The following SHISAL2A variants were observed in gnomAD, a reference collection of about 807,000 sequenced individuals.
The protein encoded by SHISAL2A is protein shisa-like-2A.
Under a neutral mutation model 11.5 loss-of-function variants are expected in SHISAL2A, and 18 were observed. That is an observed-to-expected ratio of 1.57 (90% CI 1.08 to 2.33). The LOEUF is 2.33. Among genes scored for constraint, SHISAL2A ranks in the 30% most tolerant of loss-of-function variants. The pLI, the probability that SHISAL2A is intolerant of heterozygous loss-of-function variation, is 0.00. For synonymous variants in SHISAL2A, 94 were observed against 99.6 expected, an observed-to-expected ratio of 0.94 and a Z score of 0.34; for missense variants, 261 against 250.9, an observed-to-expected ratio of 1.04 and a Z score of -0.27.
chr1:52,662,329 A>G (rs1047877410), intron 4 of SHISAL2A, among the ~76,000 whole-genome samples: 1 of 151,434 alleles, frequency 6.6e-6, no homozygotes, highest in Non-Finnish European at 1.5e-5. Flanking sequence ...TCAACTTTCT[A>G]TTTTATTTTA....
In SHISAL2A at chr1:52,633,224, G is replaced by A. The variant is rs1691165013; in HGVS notation, c.-270G>A. On this transcript the variant is annotated 5_prime_UTR_variant, in exon 1 of 3. Coordinates refer to ENST00000517870, the MANE Select transcript of SHISAL2A (RefSeq NM_001042693.3). This position sits in a 1 kb window ranked among gnomAD's most constrained non-coding sequence, Gnocchi z 6.4. Reference sequence around the variant, plus strand: ...GCTCCCCGCGTCCGCTCCGGCTCCTGCCGCGTTCCAGCAGCCGTCACTCCC... The same window carrying A: ...GCTCCCCGCGTCCGCTCCGGCTCCTACCGCGTTCCAGCAGCCGTCACTCCC... The A allele has an allele frequency of 3.4e-6, 1 of 290,696 alleles. No homozygotes were observed. The highest frequency in any genetic ancestry group is 6.1e-5 in the East Asian group (1 of 16,388). 18.0% of individuals were successfully genotyped at this position (290,696 alleles called of 1,614,324 possible).
intron 2 of SHISAL2A, among the ~76,000 whole-genome samples, chr1:52,652,959 C>CTT (rs1428482012): frequency 1.4e-5 from 1 of 70,946 alleles, no homozygotes; most frequent in Middle Eastern, 0.014. Context: ...GAGTGAGACT[C>CTT]TGTCTCAAAA....
intron 1 of SHISAL2A, among the ~76,000 whole-genome samples, chr1:52,641,983 G>T (rs1691376364): frequency 6.6e-6 from 1 of 151,688 alleles, no homozygotes. Context: ...ACATGCCTGT[G>T]GTCCCAGCCA....
At chr1:52,665,760 A>G (rs1691999548) in intron 4 of SHISAL2A, among the ~76,000 whole-genome samples, 1 of 149,924 alleles carries the variant, frequency 6.7e-6, no homozygotes, top group African/African-American at 2.5e-5. Flanking sequence ...CCTGTACCCC[A>G]GATCACATGG....
In SHISAL2A at chr1:52,633,455, T is replaced by C. The variant is rs1413158696; in HGVS notation, c.-39T>C. 2.1e-6 allele frequency: 3 copies of C among 1,437,780 alleles called. No homozygotes were observed. The highest frequency in any genetic ancestry group is 3.1e-5 in the Admixed American group (1 of 31,854). The allele number at this position is 1,437,780 out of a possible 1,614,324, so 89.1% of individuals were successfully genotyped here. On this transcript the variant is annotated 5_prime_UTR_variant, in exon 1 of 3. Coordinates refer to ENST00000517870, the MANE Select transcript of SHISAL2A (RefSeq NM_001042693.3). This position sits in a 1 kb window ranked among gnomAD's most constrained non-coding sequence, Gnocchi z 6.4. ...CCCCGCCGGGCTCTAGCCGGCCGTC[T>C]GGTGGCCCGAGGTGGCGGCGGGCTG...
chr1:52,638,589 GT>G (rs921619069), intron 1 of SHISAL2A, among the ~76,000 whole-genome samples: 80 of 152,264 alleles, frequency 5.3e-4, no homozygotes, highest in African/African-American at 1.9e-3. Context: ...TATGTGGAAA[GT>G]GATCCCAAAA....
intron 2 of SHISAL2A, among the ~76,000 whole-genome samples, chr1:52,645,315 T>C (rs1691474111): frequency 6.6e-6 from 1 of 152,126 alleles, no homozygotes. Flanking sequence ...GAGAAAGACC[T>C]GAGAGGCAGT....
chr1:52,642,581 C>T (rs1241443827), intron 1 of SHISAL2A, among the ~76,000 whole-genome samples: 1 of 151,996 alleles, frequency 6.6e-6, no homozygotes, highest in African/African-American at 2.4e-5. Flanking sequence ...TACAGGAGCC[C>T]ACTACCACAT....
chr1:52,666,589 T>C (rs1252090919), intron 4 of SHISAL2A, among the ~76,000 whole-genome samples: 3 of 151,908 alleles, frequency 2.0e-5, no homozygotes, highest in African/African-American at 7.3e-5. Context: ...CGCGCGTGTG[T>C]GTGTGTGTGT....
chr1:52,659,041 GGTGTGT>G (rs141913792), downstream of SHISAL2A, among the ~76,000 whole-genome samples: 3 of 147,518 alleles, frequency 2.0e-5, no homozygotes, highest in Non-Finnish European at 4.5e-5. Flanking sequence ...TGGTGGTGGT[GGTGTGT>G]GTGTGTGTGT....
At chr1:52,657,163 C>T, downstream of SHISAL2A, 1 of 1,317,608 alleles carries the variant, frequency 7.6e-7, no homozygotes, top group African/African-American at 1.5e-5. Context: ...GATACCCAGC[C>T]CTGCTGTGGA....
upstream of SHISAL2A, among the ~76,000 whole-genome samples, chr1:52,632,941 A>G (rs1571672111): frequency 6.6e-6 from 1 of 150,692 alleles, no homozygotes; most frequent in Non-Finnish European, 1.5e-5. Context: ...GGTTGTGTTC[A>G]CTCTCCTCAC....
chr1:52,654,221 T>G (rs939809996), intron 2 of SHISAL2A, among the ~76,000 whole-genome samples: 29 of 90,670 alleles, frequency 3.2e-4, no homozygotes, highest in African/African-American at 1.3e-3. Context: ...AAAATGGCAG[T>G]TTTATAGATA....
chr1:52,659,043 T>TGGTG (rs59167012), downstream of SHISAL2A, among the ~76,000 whole-genome samples: 1 of 96,222 alleles, frequency 1.0e-5, no homozygotes, highest in Admixed American at 1.2e-4. Flanking sequence ...GTGGTGGTGG[T>TGGTG]GTGTGTGTGT....
chr1:52,634,770 G>A (rs1303987568), intron 1 of SHISAL2A, among the ~76,000 whole-genome samples: 2 of 152,148 alleles, frequency 1.3e-5, no homozygotes, highest in Non-Finnish European at 2.9e-5. Context: ...CCTCTGGGTG[G>A]GAAAGGACAG....
intron 1 of SHISAL2A, among the ~76,000 whole-genome samples, chr1:52,635,054 T>C (rs1391783137): frequency 6.6e-6 from 1 of 152,248 alleles, no homozygotes; most frequent in Admixed American, 6.5e-5. Flanking sequence ...GGGAATTATA[T>C]TAATGTATTT....
intron 2 of SHISAL2A, among the ~76,000 whole-genome samples, chr1:52,647,034 A>G (rs939874370): frequency 6.6e-6 from 1 of 152,018 alleles, no homozygotes; most frequent in Non-Finnish European, 1.5e-5. Flanking sequence ...GAGTTTCGTT[A>G]TATTGGCCAG....
intron 1 of SHISAL2A, among the ~76,000 whole-genome samples, chr1:52,641,401 G>A (rs544966732): frequency 1.3e-5 from 2 of 152,118 alleles, no homozygotes; most frequent in African/African-American, 4.8e-5. Flanking sequence ...CAGAATTGAT[G>A]GTGTCTGCTG....
chr1:52,667,201 A>G (rs1416044645), intron 4 of SHISAL2A, among the ~76,000 whole-genome samples: 1 of 152,202 alleles, frequency 6.6e-6, no homozygotes, highest in Non-Finnish European at 1.5e-5. Flanking sequence ...TGAGGCTCTG[A>G]AAGGTTTATA....
Sources: allele counts gnomAD v4.1 joint callset (sites outside exome capture counted in the v4.1 genomes callset), GRCh38; gene constraint gnomAD v4.1.1; non-coding constraint Gnocchi (gnomAD v3.1); transcripts MANE v1.5; gene names NCBI Gene and HGNC (gene_info 2026-07-23, HGNC 2026-07-21).